The following KCNMB3 variants were observed in gnomAD, a reference collection of about 807,000 sequenced individuals.
The protein encoded by KCNMB3 is potassium calcium-activated channel subfamily M regulatory beta subunit 3.
KCNMB3 carries 18 observed loss-of-function variants against 11.9 expected under a neutral mutation model. The ratio of observed to expected loss-of-function variants is 1.51; its 90% CI spans 1.04 to 2.23. KCNMB3 has a LOEUF of 2.23. Among genes scored for constraint, KCNMB3 ranks in the 30% most tolerant of loss-of-function variants. KCNMB3 has a pLI of 0.00. For missense variants in KCNMB3, 247 were observed against 329.4 expected, an observed-to-expected ratio of 0.75 and a Z score of 1.94; for synonymous variants, 78 against 119.2, an observed-to-expected ratio of 0.65 and a Z score of 2.25.
At chr3:179,262,544 G>C (rs912299955) in intron 1 of KCNMB3, among the ~76,000 whole-genome samples, 1 of 152,234 alleles carries the variant, frequency 6.6e-6, no homozygotes, top group East Asian at 1.9e-4. Context: ...ATCCTCCACA[G>C]CGTGGAAAGG....
intron 1 of KCNMB3, chr3:179,259,357 C>G (rs530426893): frequency 1.9e-6 from 3 of 1,567,716 alleles, no homozygotes; most frequent in Non-Finnish European, 2.6e-6. Flanking sequence ...ACACCTTCAT[C>G]TAATTCTTCA....
At position 179,243,103 on chromosome 3, in the gene KCNMB3, A is replaced by G; in HGVS notation, c.629T>C (p.Leu210Ser). The G allele has an allele frequency of 6.5e-7, 1 of 1,546,810 alleles. No homozygotes were observed. Residue 210 changes from leucine to serine, a missense_variant, in exon 3 of 3, where the codon TTA becomes TCA. Around this residue, in one of 2 missense-constraint regions of KCNMB3, gnomAD observed 87 missense variants for 171.9 expected, o/e 0.51. Transcript: ENST00000392685. ...TAGCAGAGTCAGTGAAGGCCAAAAT[A>G]AACAGTGGAAGATAGCCATTTGGTC... Reference protein sequence around the residue: ...KYDQMAIFHCLFWPSLTLLGG... With the variant: ...KYDQMAIFHCSFWPSLTLLGG...
intron 1 of KCNMB3, among the ~76,000 whole-genome samples, chr3:179,247,702 G>C (rs531415078): frequency 7.2e-5 from 11 of 152,202 alleles, no homozygotes; most frequent in African/African-American, 2.6e-4. Flanking sequence ...AGCTTCTCCT[G>C]GTGCTAATAC....
chr3:179,260,332 C>T, intron 1 of KCNMB3: 1 of 1,614,058 alleles, frequency 6.2e-7, no homozygotes, highest in East Asian at 2.2e-5. Context: ...TGGCTTTGAA[C>T]CTGTTCCTCA....
At chr3:179,242,472 T>C (rs6443628), downstream of KCNMB3, 39,057 of 152,320 alleles carry the variant, frequency 0.26, 5,945 homozygotes, top group African/African-American at 0.42. Context: ...TTTTTGTCTT[T>C]GTATAGTGAA....
chr3:179,243,358 A>AAAT, intron 2 of KCNMB3, 74 bp from the exon 3 acceptor site: 1 of 1,517,524 alleles, frequency 6.6e-7, no homozygotes, highest in South Asian at 1.2e-5. Flanking sequence ...TTTAATTATG[A>AAAT]AATAGCTTCA....
rs34820544 is a variant in KCNMB3, at chr3:179,247,340, C to CATAT, written c.249-2651_249-2648dup. ...AATCAAATTACATAGACATGTAATG[C>CATAT]ATATATATATATATATGATGAGAGG... is the stretch of plus-strand genomic sequence containing the variant. On this transcript the variant is annotated intron_variant, in intron 1 of 2. Coordinates refer to ENST00000392685, the MANE Select transcript of KCNMB3 (RefSeq NM_171830.2). 6.0e-3 allele frequency among the ~76,000 whole-genome samples: 880 copies of CATAT among 147,690 alleles called. 15 individuals are homozygous for CATAT. In the South Asian group the frequency reaches 0.07, roughly 12 times the overall value.
chr3:179,258,945 T>G lies in KCNMB3; in HGVS notation c.62+7704A>C, dbSNP rs762139369. On this transcript the variant is annotated intron_variant, in intron 1 of 3. Transcript: ENST00000349697. ...CTCTATGAATTTAGAACATTCTACT[T>G]ACATTGGCAGTGGAGAGAAAAGAGC... is the stretch of plus-strand genomic sequence containing the variant. 7.4e-6 allele frequency: 12 copies of G among 1,613,750 alleles called. No individual in the cohort carries two copies. In the African/African-American group the frequency reaches 1.5e-4, roughly 20 times the overall value.
At chr3:179,252,423 C>T (rs1216291093), upstream of KCNMB3, among the ~76,000 whole-genome samples, 7 of 152,054 alleles carry the variant, frequency 4.6e-5, no homozygotes, top group Non-Finnish European at 1.0e-4. Context: ...TTGTTTTTTT[C>T]CCACAAGCAT....
intron 1 of KCNMB3, among the ~76,000 whole-genome samples, chr3:179,249,155 G>A (rs1725747185): frequency 1.3e-5 from 2 of 150,994 alleles, no homozygotes; most frequent in African/African-American, 4.9e-5. Flanking sequence ...TGGGACTACA[G>A]GTGCCCGCCA....
chr3:179,261,212 C>T (rs1311800848), intron 1 of KCNMB3: 4 of 1,361,332 alleles, frequency 2.9e-6, no homozygotes, highest in Admixed American at 2.8e-5. Flanking sequence ...CTCCGCCAGC[C>T]TCTGCGCTTC....
chr3:179,260,301 A>T, intron 1 of KCNMB3: 3 of 1,614,022 alleles, frequency 1.9e-6, no homozygotes, highest in Non-Finnish European at 1.7e-6. Flanking sequence ...GTTTTCAGGG[A>T]GAGAAGCGCT....
upstream of KCNMB3, among the ~76,000 whole-genome samples, chr3:179,252,626 C>T (rs1725883334): frequency 6.6e-6 from 1 of 151,796 alleles, no homozygotes; most frequent in South Asian, 2.1e-4. Context: ...ACCCGAGGAT[C>T]TAGTTTAGGA....
chr3:179,259,875 G>A, intron 1 of KCNMB3: 1 of 1,613,266 alleles, frequency 6.2e-7, no homozygotes, highest in Non-Finnish European at 8.5e-7. Context: ...CTCAGTTCCT[G>A]CTGGAGAACC....
chr3:179,258,808 A>G (rs529608361), intron 1 of KCNMB3: 5 of 1,347,774 alleles, frequency 3.7e-6, no homozygotes, highest in Non-Finnish European at 5.2e-6. Context: ...TACACTGATA[A>G]CAAATATGTC....
At chr3:179,260,584 A>G (rs9853868) in intron 1 of KCNMB3, 89,470 of 1,517,564 alleles carry the variant, frequency 0.059, 3,709 homozygotes, top group African/African-American at 0.19. Flanking sequence ...ACTTGAGGGC[A>G]TTTAACTCTT....
exon 1 of KCNMB3, chr3:179,266,681 G>A (rs746437823): frequency 1.2e-6 from 2 of 1,614,198 alleles, no homozygotes; most frequent in South Asian, 2.2e-5. Flanking sequence ...CCTGAAGTGT[G>A]ATTTGCACGG....
chr3:179,265,296 C>T (rs1047738136), intron 1 of KCNMB3, among the ~76,000 whole-genome samples: 1 of 152,138 alleles, frequency 6.6e-6, no homozygotes, highest in East Asian at 1.9e-4. Flanking sequence ...TCTCAAATAC[C>T]CCTGAGTGCA....
rs570660267 is a variant in KCNMB3 at position 179,249,491 on chromosome 3, T to A, written c.248+1252A>T. 1.3e-4 allele frequency among the ~76,000 whole-genome samples: 19 copies of A among 151,416 alleles called. No individual in the cohort carries two copies. In the East Asian group the frequency reaches 3.8e-3, roughly 30 times the overall value. ...GAGTTCAAGACCAGCCTGGCCAACA[T>A]GGTGAAACCCCATCTCTACTAAAAA... is the stretch of plus-strand genomic sequence containing the variant. On this transcript the variant is annotated intron_variant, in intron 1 of 2. Coordinates refer to ENST00000392685, the MANE Select transcript of KCNMB3 (RefSeq NM_171830.2).
Sources: gnomAD v4.1 joint callset for allele counts (sites outside exome capture counted in the v4.1 genomes callset) on GRCh38, gnomAD v4.1.1 for gene constraint, gnomAD v4.1.1 regional missense constraint, MANE v1.5 for transcripts, NCBI Gene and HGNC (gene_info 2026-07-23, HGNC 2026-07-21) for gene names.